FAAP20: variants seen among roughly 807,000 people sequenced by gnomAD.
FAAP20 encodes FA core complex associated protein 20.
Under a neutral mutation model 16.2 loss-of-function variants are expected in FAAP20, and 12 were observed. The ratio of observed to expected loss-of-function variants is 0.74; its 90% CI spans 0.48 to 1.20. The LOEUF is 1.20. Among genes scored for constraint, FAAP20 ranks in the 50% most tolerant of loss-of-function variants. FAAP20 has a pLI of 0.00. For synonymous variants in FAAP20, 141 were observed against 110.7 expected, an observed-to-expected ratio of 1.27 and a Z score of -1.72; for missense variants, 288 against 245.8, an observed-to-expected ratio of 1.17 and a Z score of -1.15.
chr1:2,186,610 G>A (rs191898399), downstream of FAAP20, among the ~76,000 whole-genome samples: 3 of 151,622 alleles, frequency 2.0e-5, no homozygotes, highest in East Asian at 1.9e-4. Context: ...GAAACCCCAG[G>A]GCAGAGTCCA....
At chr1:2,199,079 C>T (rs1688940023), upstream of FAAP20, 1 of 1,194,668 alleles carries the variant, frequency 8.4e-7, no homozygotes, top group South Asian at 1.5e-5. The surrounding 1 kb of genome is among the most constrained non-coding windows in gnomAD (Gnocchi z 4.5). Flanking sequence ...CAGGCCTGCC[C>T]CTGACCCCAA....
downstream of FAAP20, chr1:2,184,992 A>C: frequency 6.2e-7 from 1 of 1,613,412 alleles, no homozygotes; most frequent in Non-Finnish European, 8.5e-7. Context: ...ATTGCTGTCC[A>C]CCGAGGAGTC....
intron 3 of FAAP20, chr1:2,206,300 G>A (rs1689258131): frequency 6.6e-6 from 1 of 152,418 alleles, no homozygotes; most frequent in Admixed American, 6.5e-5. Flanking sequence ...CCCGGTCTGA[G>A]GTACCTTTTG....
chr1:2,194,096 C>T lies in FAAP20; in HGVS notation c.100G>A (p.Asp34Asn), dbSNP rs1688578793. 1 of 1,612,400 alleles carries T rather than the reference C, an allele frequency of 6.2e-7. No homozygotes were observed. Among genetic ancestry groups the T allele is most frequent in the Non-Finnish European group, 8.5e-7 (1 of 1,179,918 alleles). The change falls in exon 2 of 4, where the codon GAT (aspartate) becomes AAT (asparagine). Residue 34 changes from aspartate (D) to asparagine (N), a missense_variant. Asp to Asn is a conservative substitution (Grantham distance 23, BLOSUM62 1). Transcript: ENST00000378546. ...GGRPWFLLGG[D>N]ERERLWAELL... is the part of the protein sequence containing the mutation. ...TCGGCCCAGAGCCGCTCCCGCTCAT[C>T]ACCCCCCAGGAGAAACCAGGGGCGG...
chr1:2,191,883 A>G (rs1688272898), intron 3 of FAAP20: 1 of 985,470 alleles, frequency 1.0e-6, no homozygotes, highest in Middle Eastern at 5.2e-4. Context: ...GTGTCTGAAA[A>G]TGCACAAAAT....
downstream of FAAP20, among the ~76,000 whole-genome samples, chr1:2,211,997 G>T (rs1689463897): frequency 6.9e-6 from 1 of 144,784 alleles, no homozygotes; most frequent in African/African-American, 2.7e-5. Context: ...CCACCTCCCA[G>T]GTTCACACCA....
At chr1:2,211,195 C>T (rs575279334), downstream of FAAP20, among the ~76,000 whole-genome samples, 48 of 150,742 alleles carry the variant, frequency 3.2e-4, no homozygotes, top group African/African-American at 1.0e-3. Flanking sequence ...CTCTTGGGAG[C>T]AAGTTTCTTT....
intron 1 of FAAP20, among the ~76,000 whole-genome samples, chr1:2,206,984 A>G (rs879736479): frequency 5.3e-5 from 8 of 152,194 alleles, no homozygotes; most frequent in Admixed American, 5.2e-4. Flanking sequence ...AGACTTGCCC[A>G]GGGACAAACC....
intron 3 of FAAP20, 33 bp downstream of exon 3, chr1:2,193,606 T>C (rs2100684629): frequency 6.3e-7 from 1 of 1,579,600 alleles, no homozygotes; most frequent in South Asian, 1.1e-5. Flanking sequence ...CACGGATGGA[T>C]AACCGGGCCG....
chr1:2,190,790 C>G (rs1688133192), intron 3 of FAAP20: 1 of 256,218 alleles, frequency 3.9e-6, no homozygotes, highest in Non-Finnish European at 8.0e-6. Flanking sequence ...GTCCACAGGA[C>G]ACGTGTCCCT....
At chr1:2,189,859 C>T (rs1340259149) in intron 3 of FAAP20, 78 bp from the exon 4 acceptor site, 18 of 1,132,416 alleles carry the variant, frequency 1.6e-5, no homozygotes, top group Non-Finnish European at 2.4e-5. Flanking sequence ...GACCTCCGGG[C>T]CCTCTCTGCT....
chr1:2,202,445 C>A (rs1017718801), upstream of FAAP20, among the ~76,000 whole-genome samples: 2 of 152,100 alleles, frequency 1.3e-5, no homozygotes, highest in South Asian at 2.1e-4. Context: ...TTCAAGCAAT[C>A]CTCAACACCT....
At chr1:2,192,806 C>T (rs1272738091) in intron 3 of FAAP20, 1 of 1,158,584 alleles carries the variant, frequency 8.6e-7, no homozygotes, top group African/African-American at 1.6e-5. Flanking sequence ...TGCCATGTTG[C>T]CCAGGCTGGT....
At chr1:2,204,993 AGCCCCGCCCCTCCCTCCGGGCTCCCCAC>A (rs1689190530) in intron 3 of FAAP20, among the ~76,000 whole-genome samples, 1 of 52,906 alleles carries the variant, frequency 1.9e-5, no homozygotes, top group Non-Finnish European at 3.6e-5. Context: ...CCGCCCCTCA[AGCCCCGCCCCTCCCTCCGGGCTCCCCAC>A]GCCCCGCCCC....
At chr1:2,184,772 T>G, downstream of FAAP20, 1 of 1,469,002 alleles carries the variant, frequency 6.8e-7, no homozygotes. Flanking sequence ...CTTGGGCAGC[T>G]GGTGACCCAG....
chr1:2,194,055 C>T lies in FAAP20; in HGVS notation c.141G>A (p.Val47=), dbSNP rs1385199818. The T allele has an allele frequency of 6.2e-7, 1 of 1,612,678 alleles. No individual in the cohort carries two copies. Among genetic ancestry groups the T allele is most frequent in the South Asian group, 1.1e-5 (1 of 91,078 alleles). Residue 47 remains valine, a synonymous_variant, in exon 2 of 4, where the codon GTG becomes GTA. Coordinates refer to ENST00000378546, the MANE Select transcript of FAAP20 (RefSeq NM_182533.4). ...ERLWAELLRT[V]SPELILDHEV... The stretch of plus-strand genomic sequence containing the variant: ...CGTGATCCAGGATCAGCTCCGGGCT[C>T]ACCGTGCGCAGTAGCTCGGCCCAGA...
chr1:2,193,142 GC>G, intron 3 of FAAP20: 1 of 513,944 alleles, frequency 1.9e-6, no homozygotes, highest in Non-Finnish European at 3.1e-6. Flanking sequence ...CAGACACAAG[GC>G]CAGGCACTGG....
At chr1:2,192,072 G>A (rs1209173892) in intron 3 of FAAP20, 8 of 985,432 alleles carry the variant, frequency 8.1e-6, no homozygotes, top group Non-Finnish European at 9.6e-6. Context: ...AGGCTCAGCA[G>A]GCGCCTGTGC....
At chr1:2,200,958 G>A, upstream of FAAP20, 6 of 1,214,516 alleles carry the variant, frequency 4.9e-6, no homozygotes, top group Admixed American at 5.3e-5. Flanking sequence ...AGTTCAGCAC[G>A]TTTTTATGGG....
Sources: allele counts gnomAD v4.1 joint callset (sites outside exome capture counted in the v4.1 genomes callset), GRCh38; gene constraint gnomAD v4.1.1; non-coding constraint Gnocchi (gnomAD v3.1); transcripts MANE v1.5; gene names NCBI Gene and HGNC (gene_info 2026-07-23, HGNC 2026-07-21).